COBLL1: variants seen among roughly 807,000 people sequenced by gnomAD.
COBLL1 encodes cordon-bleu WH2 repeat protein like 1, also known as cordon-bleu protein-like 1.
COBLL1 carries 50 observed loss-of-function variants against 94.8 expected under a neutral mutation model. The observed-to-expected ratio is 0.53, with a 90% CI of 0.42 to 0.67. The LOEUF (loss-of-function observed/expected upper bound fraction) is 0.67. Among genes scored for constraint, COBLL1 ranks in the 30% least tolerant of loss-of-function variants. The pLI is 0.00. For missense variants in COBLL1, 1,362 were observed against 1,348.7 expected, an observed-to-expected ratio of 1.01 and a Z score of -0.15; for synonymous variants, 448 against 473.8, an observed-to-expected ratio of 0.95 and a Z score of 0.71.
intron 12 of COBLL1, chr2:164,692,710 G>A: frequency 5.5e-6 from 1 of 182,552 alleles, no homozygotes; most frequent in Non-Finnish European, 1.1e-5. Flanking sequence ...CACAGAACTG[G>A]TTAGAAAAGC....
chr2:164,689,635 A>G (rs2105416152), intron 13 of COBLL1, among the ~76,000 whole-genome samples: 1 of 152,308 alleles, frequency 6.6e-6, no homozygotes, highest in East Asian at 1.9e-4. Flanking sequence ...CATACAATGC[A>G]CCACTCATGT....
At chr2:164,677,552 A>G (rs1691359629), downstream of COBLL1, among the ~76,000 whole-genome samples, 1 of 152,210 alleles carries the variant, frequency 6.6e-6, no homozygotes, top group Non-Finnish European at 1.5e-5. Context: ...CTTAATCTCA[A>G]AAGGGTAGCT....
chr2:164,792,589 C>T (rs1372558993), intron 2 of COBLL1, among the ~76,000 whole-genome samples: 1 of 152,144 alleles, frequency 6.6e-6, no homozygotes, highest in South Asian at 2.1e-4. Flanking sequence ...ATTACTTAAC[C>T]TCCAAGCCTT....
At chr2:164,799,293 G>A (rs1683641590) in intron 2 of COBLL1, among the ~76,000 whole-genome samples, 1 of 152,182 alleles carries the variant, frequency 6.6e-6, no homozygotes, top group Non-Finnish European at 1.5e-5. Context: ...CTAATGCACA[G>A]AGGGAGTTGC....
At chr2:164,794,551 G>GAAGTGTCA (rs1210272748) in intron 2 of COBLL1, among the ~76,000 whole-genome samples, 2 of 152,128 alleles carry the variant, frequency 1.3e-5, no homozygotes, top group East Asian at 3.9e-4. Flanking sequence ...ATATAAGACT[G>GAAGTGTCA]TATTTAGAAT....
At chr2:164,667,443 C>A (rs919556461) in intron 1 of COBLL1, among the ~76,000 whole-genome samples, 2 of 152,198 alleles carry the variant, frequency 1.3e-5, no homozygotes, top group African/African-American at 4.8e-5. Flanking sequence ...TCATTGACTT[C>A]TCTCTAGCTA....
At chr2:164,773,771 T>C (rs1297843304) in intron 2 of COBLL1, 4 of 1,294,692 alleles carry the variant, frequency 3.1e-6, no homozygotes, top group Non-Finnish European at 4.1e-6. Flanking sequence ...TAGAGAATGC[T>C]GAACCAACTG....
chr2:164,828,441 T>TG (rs1250281501), intron 2 of COBLL1, among the ~76,000 whole-genome samples: 1 of 152,158 alleles, frequency 6.6e-6, no homozygotes, highest in Non-Finnish European at 1.5e-5. Context: ...AGACTGGTTA[T>TG]ATAAATTAAA....
chr2:164,815,189 C>G (rs894997584), intron 2 of COBLL1, among the ~76,000 whole-genome samples: 1 of 151,986 alleles, frequency 6.6e-6, no homozygotes, highest in Non-Finnish European at 1.5e-5. Context: ...CACTTGAGGT[C>G]AGGAGTTTGA....
At chr2:164,711,096 A>C (rs1684875931) in intron 7 of COBLL1, among the ~76,000 whole-genome samples, 1 of 152,160 alleles carries the variant, frequency 6.6e-6, no homozygotes, top group African/African-American at 2.4e-5. Flanking sequence ...TTGAACCAGG[A>C]AACATGCCAT....
intron 2 of COBLL1, among the ~76,000 whole-genome samples, chr2:164,781,988 TTTC>T (rs1048356375): frequency 1.1e-4 from 17 of 152,206 alleles, no homozygotes; most frequent in Admixed American, 7.9e-4. Context: ...TTAAGTGTTT[TTTC>T]TTTAGCCTCA....
intron 1 of COBLL1, among the ~76,000 whole-genome samples, chr2:164,669,454 G>C (rs1691213430): frequency 6.6e-6 from 1 of 152,196 alleles, no homozygotes; most frequent in South Asian, 2.1e-4. Context: ...AGAGACAACT[G>C]TGTATACTCA....
downstream of COBLL1, among the ~76,000 whole-genome samples, chr2:164,676,991 C>T (rs1691350490): frequency 6.6e-6 from 1 of 152,148 alleles, no homozygotes. Flanking sequence ...TCACTGATAA[C>T]TTACCTATGT....
intron 2 of COBLL1, among the ~76,000 whole-genome samples, chr2:164,767,889 A>C (rs1049121928): frequency 1.2e-4 from 19 of 152,194 alleles, no homozygotes; most frequent in African/African-American, 4.6e-4. Context: ...TTAACAGGTT[A>C]AGTAATAGTA....
At position 164,695,671 on chromosome 2, in the gene COBLL1, A is replaced by G. The variant is rs1449715201; in HGVS notation, c.1721T>C (p.Ile574Thr). The G allele has an allele frequency of 1.2e-6, 2 of 1,613,870 alleles. No homozygotes were observed. Among genetic ancestry groups the G allele is most frequent in the South Asian group, 2.2e-5 (2 of 91,058 alleles). The change falls in exon 12 of 14, where the codon ATA (isoleucine) becomes ACA (threonine). Residue 574 changes from isoleucine (I) to threonine (T), a missense_variant. Ile to Thr is a moderately conservative substitution (Grantham distance 89). Coordinates refer to ENST00000652658, the MANE Select transcript of COBLL1 (RefSeq NM_001365672.2). ...TGCTAGATGGTTTTCCTTGTAACTT[A>G]TAGCAGTATCAGTTTCATGTGCCTC... is the stretch of plus-strand genomic sequence containing the variant. ...NSEAHETDTA[I>T]SYKENHLAAS...
At chr2:164,700,126 C>T (rs1172088940) in intron 10 of COBLL1, among the ~76,000 whole-genome samples, 1 of 152,070 alleles carries the variant, frequency 6.6e-6, no homozygotes, top group East Asian at 1.9e-4. Context: ...CGTGATTTAA[C>T]ATCATATTCT....
chr2:164,668,183 T>G (rs771489597), intron 1 of COBLL1, among the ~76,000 whole-genome samples: 1 of 152,104 alleles, frequency 6.6e-6, no homozygotes, highest in African/African-American at 2.4e-5. Flanking sequence ...AGGCTGGTCA[T>G]GAACTCCGGA....
chr2:164,736,156 A>G (rs1437750222), intron 3 of COBLL1, among the ~76,000 whole-genome samples: 2 of 152,208 alleles, frequency 1.3e-5, no homozygotes, highest in African/African-American at 2.4e-5. Context: ...GATTAGTTTC[A>G]TATCTGTACC....
chr2:164,778,689 T>C (rs1688591618), intron 2 of COBLL1, among the ~76,000 whole-genome samples: 1 of 152,136 alleles, frequency 6.6e-6, no homozygotes, highest in South Asian at 2.1e-4. Context: ...TATGATCTTA[T>C]TTGCATATGG....
Sources: gnomAD v4.1 joint callset for allele counts (sites outside exome capture counted in the v4.1 genomes callset) on GRCh38, gnomAD v4.1.1 for gene constraint, MANE v1.5 for transcripts, NCBI Gene and HGNC (gene_info 2026-07-23, HGNC 2026-07-21) for gene names.